Variants in DSCAM observed in about 807,000 individuals in gnomAD.
The protein encoded by DSCAM is DS cell adhesion molecule, also known as cell adhesion molecule DSCAM.
In DSCAM, 47 loss-of-function variants were observed where a neutral mutation model predicts 217.7. That is an observed-to-expected ratio of 0.22 (90% CI 0.17 to 0.28). The LOEUF (loss-of-function observed/expected upper bound fraction) is 0.28. Among genes scored for constraint, DSCAM ranks in the 10% least tolerant of loss-of-function variants. The pLI, the probability that DSCAM is intolerant of heterozygous loss-of-function variation, is 1.00. For synonymous variants in DSCAM, 1,056 were observed against 1,015.3 expected (o/e 1.04, Z -0.76); for missense variants, 2,080 against 2,618.3 (o/e 0.79, Z 4.49).
At chr21:40,257,469 AACACACAC>A (rs141911963) in intron 11 of DSCAM, among the ~76,000 whole-genome samples, 12 of 144,786 alleles carry the variant, frequency 8.3e-5, no homozygotes, top group East Asian at 2.0e-4. Context: ...GTATTTGCTG[AACACACAC>A]ACACACACAC....
chr21:40,266,640 T>TATAC (rs1191459151), intron 11 of DSCAM, among the ~76,000 whole-genome samples: 1 of 109,696 alleles, frequency 9.1e-6, no homozygotes, highest in Non-Finnish European at 1.7e-5. Flanking sequence ...ATGTTTTATA[T>TATAC]ATATATATAT....
intron 11 of DSCAM, among the ~76,000 whole-genome samples, chr21:40,275,311 C>A (rs1226894764): frequency 6.6e-6 from 1 of 152,082 alleles, no homozygotes; most frequent in Non-Finnish European, 1.5e-5. Context: ...GCCTGGGCAA[C>A]AGAGTGAGCC....
At chr21:40,555,155 C>T (rs1438527148) in intron 3 of DSCAM, among the ~76,000 whole-genome samples, 1 of 152,108 alleles carries the variant, frequency 6.6e-6, no homozygotes, top group East Asian at 1.9e-4. Context: ...TTCCAGAAAG[C>T]CTGATGATGT....
intron 3 of DSCAM, among the ~76,000 whole-genome samples, chr21:40,609,994 A>G (rs1222543499): frequency 2.0e-5 from 3 of 152,244 alleles, no homozygotes; most frequent in African/African-American, 4.8e-5. Flanking sequence ...AGAGGCCACA[A>G]TCCTGCCTCA....
intron 32 of DSCAM, among the ~76,000 whole-genome samples, chr21:40,033,211 C>T (rs11701151): frequency 0.047 from 7,163 of 152,268 alleles, 238 homozygotes; most frequent in Non-Finnish European, 0.074. Context: ...TCTACAGCTC[C>T]CAGCCTGAGC....
chr21:40,138,373 A>ATATGTGT (rs1568961071), intron 18 of DSCAM, among the ~76,000 whole-genome samples: 1 of 143,806 alleles, frequency 7.0e-6, no homozygotes, highest in African/African-American at 2.6e-5. Context: ...GGGGTGTGTT[A>ATATGTGT]CATGTGTTGT....
chr21:40,295,723 C>A (rs2073946900), intron 10 of DSCAM, among the ~76,000 whole-genome samples: 2 of 152,160 alleles, frequency 1.3e-5, no homozygotes, highest in South Asian at 2.1e-4. Flanking sequence ...TCTTCATGTA[C>A]GAGTGTGCAG....
At chr21:40,371,592 T>C (rs934608691) in intron 3 of DSCAM, among the ~76,000 whole-genome samples, 1 of 152,234 alleles carries the variant, frequency 6.6e-6, no homozygotes, top group Admixed American at 6.5e-5. Context: ...CCTGCATTAT[T>C]ACTGATTCCA....
At position 40,721,982 on chromosome 21, in the gene DSCAM, A is replaced by G. The variant is rs549096877; in HGVS notation, c.44-13211T>C. On this transcript the variant is annotated intron_variant, in intron 1 of 32. Transcript: ENST00000400454. ...TAAGAATGACAGCAGACTTCTCATC[A>G]GAAACAACGCAAAACAGAAGACAAG... 2.6e-5 allele frequency among the ~76,000 whole-genome samples: 4 copies of G among 152,292 alleles called. No individual in the cohort carries two copies. In the South Asian group the frequency reaches 8.3e-4, roughly 32 times the overall value.
At chr21:40,323,231 T>C (rs1439818347) in intron 8 of DSCAM, among the ~76,000 whole-genome samples, 1 of 152,178 alleles carries the variant, frequency 6.6e-6, no homozygotes, top group Non-Finnish European at 1.5e-5. Context: ...AAGGCACTCC[T>C]TGATAAACAC....
chr21:40,097,621 T>A (rs1275650067), intron 20 of DSCAM, among the ~76,000 whole-genome samples: 1 of 152,068 alleles, frequency 6.6e-6, no homozygotes, highest in Non-Finnish European at 1.5e-5. Flanking sequence ...AAAAGCAATA[T>A]CCGACTATAT....
chr21:40,020,547 G>A (rs555156851), intron 32 of DSCAM, among the ~76,000 whole-genome samples: 3 of 151,528 alleles, frequency 2.0e-5, no homozygotes, highest in Non-Finnish European at 1.5e-5. Context: ...GAGAGAGAGA[G>A]GAGAGAGATA....
Position 40,266,621 on chromosome 21 carries a change from T to C in DSCAM, c.2356+9476A>G, listed in dbSNP as rs375188408. Among the ~76,000 whole-genome samples, 109 of 111,366 alleles carry C rather than the reference T, an allele frequency of 9.8e-4. 2 individuals carry two copies. The East Asian group carries it at 0.018, about 19-fold the overall frequency. 73.1% of individuals were successfully genotyped at this position (111,366 alleles called of 152,430 possible). On this transcript the variant is annotated intron_variant, in intron 11 of 32. Transcript: ENST00000400454. ...ACCTAAGTGTCCATTAACTGATGAA[T>C]GGACAAAGATGTTTTATATATATAT...
chr21:40,505,875 A>G (rs73226301), intron 3 of DSCAM, among the ~76,000 whole-genome samples: 1 of 152,142 alleles, frequency 6.6e-6, no homozygotes, highest in Non-Finnish European at 1.5e-5. Context: ...GACTTTTAAC[A>G]CTTCGCCAAC....
intron 3 of DSCAM, among the ~76,000 whole-genome samples, chr21:40,577,169 T>C (rs1254999657): frequency 6.6e-6 from 1 of 151,576 alleles, no homozygotes; most frequent in African/African-American, 2.4e-5. Context: ...TATTTATGTA[T>C]TATATATTCA....
intron 1 of DSCAM, among the ~76,000 whole-genome samples, chr21:40,839,918 T>C (rs2092086578): frequency 6.6e-6 from 1 of 152,196 alleles, no homozygotes; most frequent in African/African-American, 2.4e-5. Flanking sequence ...TCTTCATATC[T>C]TGACATATAT....
chr21:40,303,990 T>C (rs1053531100), intron 9 of DSCAM, among the ~76,000 whole-genome samples: 1 of 152,050 alleles, frequency 6.6e-6, no homozygotes, highest in African/African-American at 2.4e-5. Context: ...AGGGCAGGAG[T>C]GCTCTTTCAT....
chr21:40,208,454 G>A (rs933371303), intron 11 of DSCAM, among the ~76,000 whole-genome samples: 1 of 152,104 alleles, frequency 6.6e-6, no homozygotes, highest in East Asian at 1.9e-4. Flanking sequence ...GGGCTAAACC[G>A]GGCCACAATT....
At chr21:40,702,352 G>GT (rs1256661743) in intron 2 of DSCAM, among the ~76,000 whole-genome samples, 33 of 152,274 alleles carry the variant, frequency 2.2e-4, no homozygotes, top group Middle Eastern at 6.8e-3. Context: ...TGTCACAAAT[G>GT]TATCACACTA....
Sources: gnomAD v4.1 joint callset for allele counts (sites outside exome capture counted in the v4.1 genomes callset) on GRCh38, gnomAD v4.1.1 for gene constraint, MANE v1.5 for transcripts, NCBI Gene and HGNC (gene_info 2026-07-23, HGNC 2026-07-21) for gene names.